The following KMT2D variants were observed in gnomAD, a reference collection of about 807,000 sequenced individuals.
KMT2D encodes histone-lysine N-methyltransferase 2D.
A neutral mutation model predicts 512.7 loss-of-function variants in KMT2D; 55 were observed. The ratio of observed to expected loss-of-function variants is 0.11; its 90% CI spans 0.09 to 0.13. KMT2D has a LOEUF of 0.13. KMT2D is among the 10% of genes least tolerant of loss of function. The pLI, the probability that KMT2D is intolerant of heterozygous loss-of-function variation, is 1.00. For synonymous variants in KMT2D, 2,995 were observed against 2,904.0 expected, an observed-to-expected ratio of 1.03 and a Z score of -1.01; for missense variants, 6,061 against 7,127.9, an observed-to-expected ratio of 0.85 and a Z score of 5.39.
rs539141809 is a variant in KMT2D at position 49,044,116 on chromosome 12, C to T, written c.5188+84G>A. ...CCAGCTGGGTCTACCACCCTCTTGG[C>T]CCTTTCAATGAGTCCACCCCCTGGG... On this transcript the variant is annotated intron_variant, in intron 22 of 54. Coordinates refer to ENST00000301067, the MANE Select transcript of KMT2D (RefSeq NM_003482.4). This position sits in a 1 kb window ranked among gnomAD's most constrained non-coding sequence, Gnocchi z 6.4. 2,234 of 1,585,216 alleles carry T rather than the reference C, an allele frequency of 1.4e-3. 3 individuals carry two copies. Among genetic ancestry groups the T allele is most frequent in the Non-Finnish European group, 1.8e-3 (2,077 of 1,163,040 alleles).
In KMT2D at chr12:49,054,432, G is replaced by C. The variant is rs1306010839; in HGVS notation, c.401-16C>G. ...CAGCAGGACCCTTTACAGGTGGGAA[G>C]AGGTAAAGAGAAAGGAAAGAATTAA... is the stretch of plus-strand genomic sequence containing the variant. On this transcript the variant is annotated splice_polypyrimidine_tract_variant and intron_variant, in intron 4 of 54. Coordinates refer to ENST00000301067, the MANE Select transcript of KMT2D (RefSeq NM_003482.4). The surrounding 1 kb of genome is among the most constrained non-coding windows in gnomAD (Gnocchi z 6.4). 6.4e-7 allele frequency: 1 copy of C among 1,573,238 alleles called. No homozygotes were observed. The highest frequency in any genetic ancestry group is 1.2e-5 in the South Asian group (1 of 86,084).
chr12:49,035,331 G>C (rs1351163326), intron 35 of KMT2D, among the ~76,000 whole-genome samples: 2 of 152,134 alleles, frequency 1.3e-5, no homozygotes, highest in Admixed American at 1.3e-4. Context: ...AATGTTCTTA[G>C]TCCAACTAGC....
Position 49,037,400 on chromosome 12 carries a change from C to T in KMT2D, c.9956G>A (p.Gly3319Asp), listed in dbSNP as rs751075517. The T allele has an allele frequency of 3.1e-6, 5 of 1,605,456 alleles. No individual in the cohort carries two copies. The highest frequency in any genetic ancestry group is 4.3e-6 in the Non-Finnish European group (5 of 1,176,390). The change falls in exon 35 of 55, where the codon GGT (glycine) becomes GAT (aspartate). Residue 3319 changes from glycine to aspartate, a missense_variant. Around this residue, in one of 16 missense-constraint regions of KMT2D, gnomAD observed 533 missense variants for 539.6 expected, o/e 0.99. Coordinates refer to ENST00000301067, the MANE Select transcript of KMT2D (RefSeq NM_003482.4). The part of the protein sequence containing the change: ...SQQQLSLGLA[G>D]ARQPGLPQPL... The stretch of plus-strand genomic sequence containing the variant: ...CTGGGGCAAACCTGGCTGTCGGGCA[C>T]CTGCAAGACCCAGGGAAAGCTGCTG...
At position 49,037,576 on chromosome 12, in the gene KMT2D, C is replaced by T. The variant is rs1943283146; in HGVS notation, c.9780G>A (p.Leu3260=). The T allele has an allele frequency of 3.2e-6, 5 of 1,554,432 alleles. No individual in the cohort carries two copies. Among genetic ancestry groups the T allele is most frequent in the African/African-American group, 2.7e-5 (2 of 73,290 alleles). The change falls in exon 35 of 55, where the codon CTG becomes CTA. Residue 3260 remains leucine, a synonymous_variant. Transcript: ENST00000301067. The stretch of plus-strand genomic sequence containing the variant: ...GTGCTGAAAGCTGCTGCTTCTTCTG[C>T]AGCTCCTTCTTCTCATGCTCCAACA... ...EDLLEHEKKE[L]QKKQQLSAQL...
rs763549369 is a variant in KMT2D at position 49,038,715 on chromosome 12, G to T, written c.8641C>A (p.Arg2881=). The change falls in exon 35 of 55, where the codon CGG becomes AGG. Residue 2881 remains arginine, a synonymous_variant. Coordinates refer to ENST00000301067, the MANE Select transcript of KMT2D (RefSeq NM_003482.4). The surrounding 1 kb of genome is among the most constrained non-coding windows in gnomAD (Gnocchi z 5.7). ...PAGPAQFIEL[R]HNVQKGLGPG... is the part of the protein sequence containing the mutation. The stretch of plus-strand genomic sequence containing the variant: ...CCCAGTCCTTTCTGTACATTGTGCC[G>T]CAGCTCAATGAACTGGGCAGGACCA... 6.2e-7 allele frequency: 1 copy of T among 1,609,272 alleles called. No individual in the cohort carries two copies. Among genetic ancestry groups the T allele is most frequent in the Non-Finnish European group, 8.5e-7 (1 of 1,178,038 alleles).
rs1366079936 is a variant in KMT2D, at chr12:49,039,682, C to T, written c.8046+42G>A. 5 of 1,603,722 alleles carry T rather than the reference C, an allele frequency of 3.1e-6. No individual in the cohort carries two copies. Among genetic ancestry groups the T allele is most frequent in the Non-Finnish European group, 4.3e-6 (5 of 1,175,598 alleles). On this transcript the variant is annotated intron_variant, in intron 32 of 54. Transcript: ENST00000301067. The surrounding 1 kb of genome is among the most constrained non-coding windows in gnomAD (Gnocchi z 5.0). ...TCCAATCATAGGGCTGCCCCAGAGA[C>T]AGGAGCGATATAGGGGGCTTAGCTC...
rs2120518054 is a variant in KMT2D, at chr12:49,039,848, G to A, written c.7922C>T (p.Pro2641Leu). Residue 2641 changes from proline (P) to leucine (L), a missense_variant, in exon 32 of 55, where the codon CCT (proline) becomes CTT (leucine). Physicochemically the swap from Pro to Leu is moderately conservative, Grantham distance 98 (BLOSUM62 -3). Coordinates refer to ENST00000301067, the MANE Select transcript of KMT2D (RefSeq NM_003482.4). This position sits in a 1 kb window ranked among gnomAD's most constrained non-coding sequence, Gnocchi z 5.0. ...GASQRSGITS[P>L]VEKREDPGTG... ...CCCTGGGTCTTCTCGCTTTTCGACA[G>A]GAGAGGTGATGCCTGATCGCTGTGA... is the stretch of plus-strand genomic sequence containing the variant. 1 of 1,614,060 alleles carries A rather than the reference G, an allele frequency of 6.2e-7. No homozygotes were observed. Among genetic ancestry groups the A allele is most frequent in the Non-Finnish European group, 8.5e-7 (1 of 1,179,898 alleles).
At chr12:49,059,527 A>G (rs1938611754) in intron 1 of KMT2D, 86 bp downstream of exon 1, 1 of 152,520 alleles carries the variant, frequency 6.6e-6, no homozygotes, top group Non-Finnish European at 1.5e-5. Context: ...TCTCCAACCT[A>G]AAGGCCAGCT....
chr12:49,028,912 A>C lies in KMT2D; in HGVS notation c.14298T>G (p.Pro4766=), dbSNP rs1470087851. 2 of 1,614,024 alleles carry C rather than the reference A, an allele frequency of 1.2e-6. No homozygotes were observed. Among genetic ancestry groups the C allele is most frequent in the Non-Finnish European group, 1.7e-6 (2 of 1,179,896 alleles). Reference sequence around the variant, plus strand: ...CCCAAGTTGTGACAGGCAGCTTTCCAGGGACCTCCAGGCCAAGGGCCCCAT... The same window carrying C: ...CCCAAGTTGTGACAGGCAGCTTTCCCGGGACCTCCAGGCCAAGGGCCCCAT... The part of the protein sequence containing the change: ...KPYGALGLEV[P]GKLPVTTWEK... The change falls in exon 46 of 55, where the codon CCT becomes CCG. Residue 4766 remains proline (P), a synonymous_variant. Coordinates refer to ENST00000301067, the MANE Select transcript of KMT2D (RefSeq NM_003482.4).
chr12:49,042,327 C>G lies in KMT2D; in HGVS notation c.5871G>C (p.Glu1957Asp). The change falls in exon 29 of 55, where the codon GAG (glutamate) becomes GAC (aspartate). Residue 1957 changes from glutamate to aspartate, a missense_variant. By Grantham distance (45) the Glu-to-Asp change is conservative. Around this residue, in one of 16 missense-constraint regions of KMT2D, gnomAD observed 640 missense variants for 814.3 expected, o/e 0.79. Transcript: ENST00000301067. The surrounding 1 kb of genome is among the most constrained non-coding windows in gnomAD (Gnocchi z 4.4). ...GTTCCGGGCTAAAGAAGCCCCCGCG[C>G]TCCCTGGGGCGCAGGGGCAGAGAGT... ...LCQSPFLDSR[E>D]RGGFFSPEPG... 1 of 1,528,066 alleles carries G rather than the reference C, an allele frequency of 6.5e-7. No homozygotes were observed. Among genetic ancestry groups the G allele is most frequent in the Non-Finnish European group, 8.8e-7 (1 of 1,136,878 alleles). The allele number at this position is 1,528,066 out of a possible 1,614,324, so 94.7% of individuals were successfully genotyped here.
Position 49,044,099 on chromosome 12 carries a change from G to C in KMT2D, c.5188+101C>G. On this transcript the variant is annotated intron_variant, in intron 22 of 54. Transcript: ENST00000301067. This position sits in a 1 kb window ranked among gnomAD's most constrained non-coding sequence, Gnocchi z 6.4. ...TACTCTCTCCCACAACACCAGCTGG[G>C]TCTACCACCCTCTTGGCCCTTTCAA... 1 of 1,589,904 alleles carries C rather than the reference G, an allele frequency of 6.3e-7. No individual in the cohort carries two copies. Among genetic ancestry groups the C allele is most frequent in the Non-Finnish European group, 8.6e-7 (1 of 1,166,128 alleles).
rs1942219370 is a variant in KMT2D, at chr12:49,019,830, C to T, written c.*1950G>A. On this transcript the variant is annotated 3_prime_UTR_variant, in exon 55 of 55. Coordinates refer to ENST00000301067, the MANE Select transcript of KMT2D (RefSeq NM_003482.4). ...AAAAATCTCCCTACCCCCAACAATC[C>T]ACAACCCCCCAAATTCAAAACAAAA... is the stretch of plus-strand genomic sequence containing the variant. 1 of 215,558 alleles carries T rather than the reference C, an allele frequency of 4.6e-6. No homozygotes were observed. The highest frequency in any genetic ancestry group is 5.9e-5 in the Admixed American group (1 of 16,928). The allele number at this position is 215,558 out of a possible 1,614,324, so 13.4% of individuals were successfully genotyped here.
Position 49,041,769 on chromosome 12 carries a change from T to C in KMT2D, c.6184-64A>G, listed in dbSNP as rs1221432469. ...GGTCTCATGCCCCGCCCCCATACTG[T>C]AGTGTTTTCACACTCCCTACCCAGA... On this transcript the variant is annotated intron_variant, in intron 30 of 54. Transcript: ENST00000301067. This position sits in a 1 kb window ranked among gnomAD's most constrained non-coding sequence, Gnocchi z 5.4. The C allele has an allele frequency of 7.1e-6, 11 of 1,556,368 alleles. No individual in the cohort carries two copies. The highest frequency in any genetic ancestry group is 1.7e-6 in the Non-Finnish European group (2 of 1,144,534).
intron 46 of KMT2D, 77 bp downstream of exon 46, chr12:49,028,751 T>C (rs2120384863): frequency 6.3e-7 from 1 of 1,576,564 alleles, no homozygotes; most frequent in Non-Finnish European, 8.6e-7. Context: ...CGACTACATT[T>C]TTCCTTATCC....
At position 49,041,674 on chromosome 12, in the gene KMT2D, C is replaced by T. The variant is rs748389081; in HGVS notation, c.6215G>A (p.Arg2072His). 5 of 1,612,762 alleles carry T rather than the reference C, an allele frequency of 3.1e-6. No homozygotes were observed. Among genetic ancestry groups the T allele is most frequent in the Non-Finnish European group, 3.4e-6 (4 of 1,179,320 alleles). Residue 2072 changes from arginine (R) to histidine (H), a missense_variant, in exon 31 of 55, where the codon CGC becomes CAC. Transcript: ENST00000301067. The surrounding 1 kb of genome is among the most constrained non-coding windows in gnomAD (Gnocchi z 5.4). The part of the protein sequence containing the change: ...QKAKDNRAAH[R>H]INKVQKQAES... ...ACTCACCTTCTGCACCTTGTTGATGCGGTGAGCTGCCCGGTTATCTTTGGC... is the reference window on the plus strand; with the variant it reads ...ACTCACCTTCTGCACCTTGTTGATGTGGTGAGCTGCCCGGTTATCTTTGGC...
Position 49,040,351 on chromosome 12 carries a change from C to T in KMT2D, c.7419G>A (p.Gln2473=), listed in dbSNP as rs2120527578. 2.6e-6 allele frequency: 4 copies of T among 1,565,650 alleles called. No individual in the cohort carries two copies. The highest frequency in any genetic ancestry group is 1.2e-5 in the South Asian group (1 of 83,198). The change falls in exon 32 of 55, where the codon CAG becomes CAA. Residue 2473 remains glutamine (Q), a synonymous_variant. Transcript: ENST00000301067. ...FAPLHKPPRP[Q]PPEVAFKAGS... is the part of the protein sequence containing the mutation. The stretch of plus-strand genomic sequence containing the variant: ...CAGCCTTAAAGGCAACTTCAGGGGG[C>T]TGGGGTCGGGGTGGCTTATGCAATG...
Position 49,060,254 on chromosome 12 carries a change from C to A in KMT2D, c.-679G>T, listed in dbSNP as rs1047056938. On this transcript the variant is annotated 5_prime_UTR_variant, in exon 1 of 55. Transcript: ENST00000301067. Reference sequence around the variant, plus strand: ...TCACCCTCGGCGGCTTCGAGCCCCCCACCTTCTGCTCCCCCCGGGGAAGGG... The same window carrying A: ...TCACCCTCGGCGGCTTCGAGCCCCCAACCTTCTGCTCCCCCCGGGGAAGGG... Among the ~76,000 whole-genome samples, 2 of 152,088 alleles carry A rather than the reference C, an allele frequency of 1.3e-5. No homozygotes were observed. The highest frequency in any genetic ancestry group is 4.8e-5 in the African/African-American group (2 of 41,418).
Position 49,046,879 on chromosome 12 carries a change from C to G in KMT2D, c.4237-89G>C. Reference sequence around the variant, plus strand: ...TTTTTTTTGGAGATGGAGTTTTGCTCTTGTTCCCCAGGCTGGAGTGCAATG... The same window carrying G: ...TTTTTTTTGGAGATGGAGTTTTGCTGTTGTTCCCCAGGCTGGAGTGCAATG... On this transcript the variant is annotated intron_variant, in intron 15 of 54. Transcript: ENST00000301067. The surrounding 1 kb of genome is among the most constrained non-coding windows in gnomAD (Gnocchi z 4.2). The G allele has an allele frequency of 7.9e-7, 1 of 1,265,424 alleles. No homozygotes were observed. The highest frequency in any genetic ancestry group is 1.5e-5 in the South Asian group (1 of 67,736). The allele number at this position is 1,265,424 out of a possible 1,614,324, so 78.4% of individuals were successfully genotyped here.
chr12:49,028,176 T>C (rs1942705927), intron 46 of KMT2D, 35 bp from the exon 47 acceptor site: 1 of 1,613,422 alleles, frequency 6.2e-7, no homozygotes, highest in Non-Finnish European at 8.5e-7. Context: ...AAGAAACATA[T>C]CAGCCAAGTG....
Sources: allele counts gnomAD v4.1 joint callset (sites outside exome capture counted in the v4.1 genomes callset), GRCh38; gene constraint gnomAD v4.1.1; regional missense constraint gnomAD v4.1.1; non-coding constraint Gnocchi (gnomAD v3.1); transcripts MANE v1.5; gene names NCBI Gene and HGNC (gene_info 2026-07-23, HGNC 2026-07-21).